The following PDE4D variants were observed in gnomAD, a reference collection of about 807,000 sequenced individuals.
PDE4D encodes phosphodiesterase 4D, also known as 3',5'-cyclic-AMP phosphodiesterase 4D.
In PDE4D, 24 loss-of-function variants were observed where a neutral mutation model predicts 87.4. That is an observed-to-expected ratio of 0.27 (90% CI 0.20 to 0.39). The LOEUF (loss-of-function observed/expected upper bound fraction) is 0.39, where lower values mean the gene tolerates loss of function less well. Among genes scored for constraint, PDE4D ranks in the 10% least tolerant of loss-of-function variants. The pLI, the probability that PDE4D is intolerant of heterozygous loss-of-function variation, is 1.00. For missense variants in PDE4D, 714 were observed against 1,041.0 expected, an observed-to-expected ratio of 0.69 and a Z score of 4.32; for synonymous variants, 384 against 383.2, an observed-to-expected ratio of 1.00 and a Z score of -0.02.
intron 1 of PDE4D, among the ~76,000 whole-genome samples, chr5:59,367,066 A>G (rs557145655): frequency 2.6e-4 from 40 of 152,216 alleles, no homozygotes; most frequent in Non-Finnish European, 5.1e-4. Flanking sequence ...CAGGTGCTCC[A>G]AGAGCTGTGG....
At chr5:60,515,078 T>C (rs1750735108) in intron 1 of PDE4D, among the ~76,000 whole-genome samples, 2 of 152,226 alleles carry the variant, frequency 1.3e-5, no homozygotes, top group South Asian at 4.1e-4. Flanking sequence ...AAATATCAAA[T>C]ACATACAAAT....
chr5:60,026,126 C>T (rs1766594411), intron 2 of PDE4D, among the ~76,000 whole-genome samples: 1 of 152,144 alleles, frequency 6.6e-6, no homozygotes, highest in African/African-American at 2.4e-5. Flanking sequence ...ATTTGAGGCT[C>T]AGTTCATTTA....
intron 1 of PDE4D, among the ~76,000 whole-genome samples, chr5:59,283,327 G>T (rs1165429528): frequency 6.6e-6 from 1 of 152,010 alleles, no homozygotes; most frequent in Non-Finnish European, 1.5e-5. Context: ...CTGTCCCCTT[G>T]ACTCCCTTTA....
intron 5 of PDE4D, among the ~76,000 whole-genome samples, chr5:59,101,052 C>A (rs545773696): frequency 6.6e-6 from 1 of 152,278 alleles, no homozygotes; most frequent in South Asian, 2.1e-4. Flanking sequence ...GGTCTCCATG[C>A]CCAGCCTTGG....
At chr5:60,468,130 C>CTTTTTTTTTTTTT (rs370784270) in intron 1 of PDE4D, among the ~76,000 whole-genome samples, 6 of 126,180 alleles carry the variant, frequency 4.8e-5, no homozygotes, top group African/African-American at 1.5e-4. Flanking sequence ...AACTTTCTTT[C>CTTTTTTTTTTTTT]TTTTTTCTTT....
At chr5:59,594,975 G>C (rs10064738) in intron 1 of PDE4D, among the ~76,000 whole-genome samples, 26 of 152,208 alleles carry the variant, frequency 1.7e-4, no homozygotes, top group Admixed American at 3.9e-4. Context: ...ATGCATGTGT[G>C]GGGGTTGGAG....
At chr5:59,647,946 A>T (rs1348279907) in intron 1 of PDE4D, among the ~76,000 whole-genome samples, 1 of 152,180 alleles carries the variant, frequency 6.6e-6, no homozygotes, top group Non-Finnish European at 1.5e-5. Flanking sequence ...ACTACACTGT[A>T]ATAGAAATAT....
exon 3 of PDE4D, chr5:59,988,641 C>T: frequency 6.3e-7 from 1 of 1,599,356 alleles, no homozygotes; most frequent in South Asian, 1.1e-5. Flanking sequence ...ACATGAAAGT[C>T]TCCGGACAAG....
At chr5:59,218,417 T>C (rs1180563292) in intron 1 of PDE4D, among the ~76,000 whole-genome samples, 1 of 152,156 alleles carries the variant, frequency 6.6e-6, no homozygotes, top group East Asian at 1.9e-4. Context: ...CACTCCACTA[T>C]AAGTTTTGAA....
intron 1 of PDE4D, among the ~76,000 whole-genome samples, chr5:60,472,067 C>A (rs1747857653): frequency 6.6e-6 from 1 of 152,062 alleles, no homozygotes; most frequent in South Asian, 2.1e-4. Context: ...ATAATAGTAC[C>A]TTCCTCACAG....
intron 1 of PDE4D, among the ~76,000 whole-genome samples, chr5:60,413,312 T>C (rs1022606160): frequency 6.6e-6 from 1 of 152,198 alleles, no homozygotes; most frequent in Admixed American, 6.5e-5. Context: ...TATTGTCAGG[T>C]CTGTTTTCAT....
chr5:60,037,378 G>T (rs1443160710), intron 2 of PDE4D, among the ~76,000 whole-genome samples: 1 of 152,016 alleles, frequency 6.6e-6, no homozygotes, highest in African/African-American at 2.4e-5. Flanking sequence ...TTTACAAAAA[G>T]ATTTAAGGTT....
intron 1 of PDE4D, among the ~76,000 whole-genome samples, chr5:59,260,330 C>A (rs116397760): frequency 6.6e-6 from 1 of 151,778 alleles, no homozygotes. Flanking sequence ...GTCACACCTA[C>A]GCTATATTTA....
At chr5:60,163,830 T>C (rs757119707) in intron 2 of PDE4D, among the ~76,000 whole-genome samples, 4 of 152,140 alleles carry the variant, frequency 2.6e-5, no homozygotes, top group Non-Finnish European at 4.4e-5. Flanking sequence ...AAAGAAAATA[T>C]TGGCTTTGAA....
intron 2 of PDE4D, among the ~76,000 whole-genome samples, chr5:60,049,696 A>G (rs1769838904): frequency 6.6e-6 from 1 of 152,128 alleles, no homozygotes; most frequent in Admixed American, 6.5e-5. Context: ...GGGGTCAGGG[A>G]CCCATCTGAG....
intron 1 of PDE4D, among the ~76,000 whole-genome samples, chr5:59,544,431 G>A (rs957112118): frequency 7.9e-5 from 12 of 152,144 alleles, no homozygotes; most frequent in African/African-American, 2.7e-4. Flanking sequence ...GATTTCAGAG[G>A]ACTCAGGGGA....
At chr5:59,046,974 C>A (rs2153400835) in intron 5 of PDE4D, among the ~76,000 whole-genome samples, 1 of 152,268 alleles carries the variant, frequency 6.6e-6, no homozygotes, top group African/African-American at 2.4e-5. Flanking sequence ...CCAGGCAATT[C>A]AGCTACTAAT....
intron 6 of PDE4D, among the ~76,000 whole-genome samples, chr5:59,025,430 A>AT (rs1259002104): frequency 1.3e-5 from 2 of 152,186 alleles, no homozygotes; most frequent in African/African-American, 4.8e-5. Context: ...TTTCTTTGTA[A>AT]TTTTGGGTAA....
chr5:59,385,075 G>A lies in PDE4D; in HGVS notation c.456-169107C>T, dbSNP rs75402689. Among the ~76,000 whole-genome samples the A allele has an allele frequency of 2.0e-3, 298 of 152,212 alleles. 2 individuals carry two copies. Among genetic ancestry groups the A allele is most frequent in the African/African-American group, 6.8e-3 (284 of 41,540 alleles). On this transcript the variant is annotated intron_variant, in intron 1 of 14. Transcript: ENST00000340635. ...CCCTCTCAGATGCTCTAGCAAATTG[G>A]ATAATCTATCAATTTCATTTTCTCT...
Sources: gnomAD v4.1 joint callset for allele counts (sites outside exome capture counted in the v4.1 genomes callset) on GRCh38, gnomAD v4.1.1 for gene constraint, MANE v1.5 for transcripts, NCBI Gene and HGNC (gene_info 2026-07-23, HGNC 2026-07-21) for gene names.